COL21A1: variants seen among roughly 807,000 people sequenced by gnomAD.
The protein encoded by COL21A1 is collagen alpha-1(XXI) chain.
In COL21A1, 149 loss-of-function variants were observed where a neutral mutation model predicts 137.9. The ratio of observed to expected loss-of-function variants is 1.08; its 90% confidence interval spans 0.95 to 1.24. The LOEUF (loss-of-function observed/expected upper bound fraction) is 1.24, where lower values mean the gene tolerates loss of function less well. Among genes scored for constraint, COL21A1 ranks in the 50% most tolerant of loss-of-function variants. The pLI, the probability that COL21A1 is intolerant of heterozygous loss-of-function variation, is 0.00. For missense variants in COL21A1, 1,167 were observed against 1,158.4 expected (o/e 1.01, Z -0.11); for synonymous variants, 456 against 391.5 (o/e 1.16, Z -1.95).
chr6:56,191,591 CAA>C (rs70986783), intron 1 of COL21A1, among the ~76,000 whole-genome samples: 7 of 121,168 alleles, frequency 5.8e-5, no homozygotes, highest in African/African-American at 9.6e-5. Flanking sequence ...GACTCTATCT[CAA>C]AAAAAAAAAA....
chr6:56,305,073 T>C (rs1289117253), intron 1 of COL21A1, among the ~76,000 whole-genome samples: 5 of 152,266 alleles, frequency 3.3e-5, no homozygotes, highest in Non-Finnish European at 7.3e-5. Context: ...TGAGTTCTAA[T>C]TTGATTGCAG....
intron 1 of COL21A1, among the ~76,000 whole-genome samples, chr6:56,241,004 T>A (rs1034611471): frequency 2.0e-5 from 3 of 152,152 alleles, no homozygotes; most frequent in Admixed American, 2.0e-4. Context: ...TTACTTTCCC[T>A]TTTCAACCCT....
chr6:56,143,199 CTTTTTTTTTTT>C (rs1201380404), intron 10 of COL21A1, among the ~76,000 whole-genome samples: 159 of 124,544 alleles, frequency 1.3e-3, no homozygotes, highest in African/African-American at 4.7e-3. Flanking sequence ...TACAATTTTT[CTTTTTTTTTTT>C]TTTTTTTTGA....
chr6:56,088,351 G>C (rs1221577894), intron 17 of COL21A1, among the ~76,000 whole-genome samples: 1 of 152,034 alleles, frequency 6.6e-6, no homozygotes, highest in Non-Finnish European at 1.5e-5. Context: ...GCAACAGAGT[G>C]AGACTCCATC....
intron 1 of COL21A1, among the ~76,000 whole-genome samples, chr6:56,367,395 A>G (rs1766126562): frequency 6.6e-6 from 1 of 152,208 alleles, no homozygotes; most frequent in South Asian, 2.1e-4. Context: ...CAATTGGTTT[A>G]GATCTGGCCA....
chr6:56,256,604 C>T (rs1782979244), intron 1 of COL21A1, among the ~76,000 whole-genome samples: 1 of 152,070 alleles, frequency 6.6e-6, no homozygotes, highest in Non-Finnish European at 1.5e-5. Context: ...GTACTCTATA[C>T]AATATAGTTC....
chr6:56,132,848 A>G (rs1323136300), intron 12 of COL21A1, among the ~76,000 whole-genome samples: 1 of 152,168 alleles, frequency 6.6e-6, no homozygotes, highest in African/African-American at 2.4e-5. Flanking sequence ...GTTTCCCTCC[A>G]CAAGCTGGCT....
chr6:56,375,293 T>C (rs2093997001), intron 1 of COL21A1, among the ~76,000 whole-genome samples: 1 of 152,134 alleles, frequency 6.6e-6, no homozygotes, highest in South Asian at 2.1e-4. Context: ...TCCTCACTTC[T>C]CCACCCAGCT....
chr6:56,369,332 T>C (rs546013262), intron 1 of COL21A1, among the ~76,000 whole-genome samples: 5 of 151,562 alleles, frequency 3.3e-5, no homozygotes, highest in African/African-American at 1.2e-4. Context: ...ACAAAATGAA[T>C]ACTAGATAAA....
At chr6:56,177,834 A>T (rs906951919) in intron 3 of COL21A1, among the ~76,000 whole-genome samples, 3 of 150,374 alleles carry the variant, frequency 2.0e-5, no homozygotes, top group Non-Finnish European at 4.4e-5. Context: ...GAAAACATCC[A>T]TATAAATTCC....
At chr6:56,296,415 T>C (rs1764165016) in intron 1 of COL21A1, among the ~76,000 whole-genome samples, 1 of 152,002 alleles carries the variant, frequency 6.6e-6, no homozygotes. Context: ...AACTATTGTA[T>C]CTACTAATGA....
rs374658403 is a variant in COL21A1 at position 56,133,989 on chromosome 6, G to A, written c.1542+7796C>T. ...AACCTCTGCTTGGGCAGTGAGGAAGGGAAATGTGGGGTTGGAGCCCCCAGA... is the reference window on the plus strand; with the variant it reads ...AACCTCTGCTTGGGCAGTGAGGAAGAGAAATGTGGGGTTGGAGCCCCCAGA... On this transcript the variant is annotated intron_variant, in intron 12 of 29. Coordinates refer to ENST00000244728, the MANE Select transcript of COL21A1 (RefSeq NM_030820.4). Among the ~76,000 whole-genome samples, 192 of 152,334 alleles carry A rather than the reference G, an allele frequency of 1.3e-3. 4 individuals carry two copies. The highest frequency in any genetic ancestry group is 4.3e-3 in the African/African-American group (180 of 41,570).
Position 56,170,885 on chromosome 6 carries a change from T to C in COL21A1, c.810-20A>G. ...ACATTGCTAGAAAAAGAAGAGCAAG[T>C]GTAAGCTTAAAGAATTCTTGACATG... On this transcript the variant is annotated intron_variant, in intron 4 of 29. Coordinates refer to ENST00000244728, the MANE Select transcript of COL21A1 (RefSeq NM_030820.4). 1 of 1,603,590 alleles carries C rather than the reference T, an allele frequency of 6.2e-7. No homozygotes were observed. The highest frequency in any genetic ancestry group is 8.5e-7 in the Non-Finnish European group (1 of 1,174,082).
intron 22 of COL21A1, 109 bp downstream of exon 22, chr6:56,068,937 T>C (rs1766496280): frequency 1.4e-6 from 1 of 717,830 alleles, no homozygotes; most frequent in Non-Finnish European, 2.4e-6. Flanking sequence ...GGGTACTTTA[T>C]CATTAAAAAT....
At position 56,191,134 on chromosome 6, in the gene COL21A1, G is replaced by A. The variant is rs1038124699; in HGVS notation, c.-38-8478C>T. 1.5e-4 allele frequency among the ~76,000 whole-genome samples: 23 copies of A among 152,130 alleles called. 1 individual carries two copies. The highest frequency in any genetic ancestry group is 2.9e-5 in the Non-Finnish European group (2 of 68,032). ...ATCAGGCAAGAGAAAGAAATACTGG[G>A]TATTCAAATAGGAAGAGAGGAAGTC... On this transcript the variant is annotated intron_variant, in intron 1 of 29. Transcript: ENST00000244728.
At chr6:56,316,477 C>CTTTGTTTTTTTT (rs1764739064) in intron 1 of COL21A1, among the ~76,000 whole-genome samples, 1 of 75,786 alleles carries the variant, frequency 1.3e-5, no homozygotes, top group Non-Finnish European at 2.3e-5. Flanking sequence ...TCTAAATAGA[C>CTTTGTTTTTTTT]TTTTTTTTTT....
At position 56,287,369 on chromosome 6, in the gene COL21A1, A is replaced by G. The variant is rs12212697; in HGVS notation, c.-38-104713T>C. Among the ~76,000 whole-genome samples the G allele has an allele frequency of 5.3e-5, 8 of 152,168 alleles. No homozygotes were observed. In the South Asian group the frequency reaches 8.3e-4, roughly 16 times the overall value. On this transcript the variant is annotated intron_variant, in intron 1 of 28. Coordinates refer to the COL21A1 transcript ENST00000370819. Reference sequence around the variant, plus strand: ...TGATATGTTTGGCTCTGTGTCCCCAACCAAATCTCATGTTGAATTGTAATC... The same window carrying G: ...TGATATGTTTGGCTCTGTGTCCCCAGCCAAATCTCATGTTGAATTGTAATC...
At chr6:56,291,424 T>C (rs1407751584) in intron 1 of COL21A1, among the ~76,000 whole-genome samples, 7 of 152,206 alleles carry the variant, frequency 4.6e-5, no homozygotes, top group African/African-American at 1.4e-4. Context: ...TGAAGCAGCA[T>C]TGCTGGGATG....
chr6:56,192,616 C>T (rs1012583381), intron 1 of COL21A1, among the ~76,000 whole-genome samples: 2 of 152,096 alleles, frequency 1.3e-5, no homozygotes, highest in Admixed American at 1.3e-4. Context: ...TAGAGAAACA[C>T]AAATCAAAAC....
Sources: gnomAD v4.1 joint callset for allele counts (sites outside exome capture counted in the v4.1 genomes callset) on GRCh38, gnomAD v4.1.1 for gene constraint, MANE v1.5 for transcripts, NCBI Gene and HGNC (gene_info 2026-07-23, HGNC 2026-07-21) for gene names.